The following KCTD2 variants were observed in gnomAD, a reference collection of about 807,000 sequenced individuals.
The protein encoded by KCTD2 is BTB/POZ domain-containing protein KCTD2.
In KCTD2, 18 loss-of-function variants were observed where a neutral mutation model predicts 27.9. The ratio of observed to expected loss-of-function variants is 0.64; its 90% confidence interval spans 0.45 to 0.96. KCTD2 has a LOEUF of 0.96. Among genes scored for constraint, KCTD2 ranks in the 40% least tolerant of loss-of-function variants. The probability of loss-of-function intolerance (pLI) is 0.00; values close to 1 mark genes in which losing one functional copy is unlikely to be tolerated. For synonymous variants in KCTD2, 175 were observed against 148.4 expected, an observed-to-expected ratio of 1.18 and a Z score of -1.30; for missense variants, 280 against 348.0, an observed-to-expected ratio of 0.80 and a Z score of 1.56.
At chr17:75,053,368 G>A (rs1408531175) in intron 3 of KCTD2, among the ~76,000 whole-genome samples, 1 of 152,094 alleles carries the variant, frequency 6.6e-6, no homozygotes, top group East Asian at 1.9e-4. Context: ...GGCACTTTAG[G>A]TCTAAAACCT....
At chr17:75,037,361 A>AG (rs887234923) in intron 3 of KCTD2, among the ~76,000 whole-genome samples, 19 of 151,528 alleles carry the variant, frequency 1.3e-4, no homozygotes, top group African/African-American at 4.4e-4. Flanking sequence ...AAAAAAAAAA[A>AG]AAAGAAATGG....
At chr17:75,037,676 A>T (rs960462055) in intron 3 of KCTD2, among the ~76,000 whole-genome samples, 2 of 152,224 alleles carry the variant, frequency 1.3e-5, no homozygotes, top group Admixed American at 1.3e-4. Flanking sequence ...CTTGCTTTAA[A>T]CCATCTCTAT....
rs2073433693 is a variant in KCTD2 at position 75,064,184 on chromosome 17, G to C, written c.*1137G>C. 1 of 152,552 alleles carries C rather than the reference G, an allele frequency of 6.6e-6. No individual in the cohort carries two copies. The highest frequency in any genetic ancestry group is 1.9e-4 in the East Asian group (1 of 5,202). 9.4% of individuals were successfully genotyped at this position (152,552 alleles called of 1,614,324 possible). A position where few individuals can be genotyped will look rare whatever the true frequency, so the allele number is the denominator to read the frequency against. On this transcript the variant is annotated 3_prime_UTR_variant, in exon 6 of 6. Transcript: ENST00000322444. ...GACCCCCGCCATTACTTTCTTTTCT[G>C]GAGTGCCATGCTGGCGAGGATCCGG...
chr17:75,039,277 A>C, intron 3 of KCTD2: 1 of 1,613,964 alleles, frequency 6.2e-7, no homozygotes, highest in Middle Eastern at 1.7e-4. Flanking sequence ...TTCACCTTTA[A>C]GAAGAAAGAG....
Position 75,059,600 on chromosome 17 carries a change from G to T in KCTD2, c.631G>T (p.Glu211Ter). 6.2e-7 allele frequency: 1 copy of T among 1,613,152 alleles called. No homozygotes were observed. The highest frequency in any genetic ancestry group is 8.5e-7 in the Non-Finnish European group (1 of 1,179,198). The stretch of plus-strand genomic sequence containing the variant: ...CACGATGTCCGACGGCTGGAAATTC[G>T]AACAGGTACATCTCTTAACAGAGCA... ...VSTMSDGWKF[E>*]QLISIGSSYN... The change falls in exon 4 of 6, where the codon GAA becomes TAA. Residue 211 changes from glutamate to a stop codon, truncating the protein, a stop_gained. Transcript: ENST00000322444. LOFTEE classifies it high-confidence loss of function.
At chr17:75,049,748 A>G (rs2073265623) in intron 2 of KCTD2, among the ~76,000 whole-genome samples, 1 of 152,216 alleles carries the variant, frequency 6.6e-6, no homozygotes, top group African/African-American at 2.4e-5. Flanking sequence ...GCTTGGCCTC[A>G]TTTCTTTTAA....
chr17:75,036,986 A>C (rs983826701), intron 3 of KCTD2, among the ~76,000 whole-genome samples: 1 of 152,116 alleles, frequency 6.6e-6, no homozygotes, highest in Non-Finnish European at 1.5e-5. Flanking sequence ...TCCTCTGCTT[A>C]TGTTAAGACT....
At chr17:75,056,952 C>CTTTTTTTTTTT (rs35875644) in intron 3 of KCTD2, among the ~76,000 whole-genome samples, 11 of 107,994 alleles carry the variant, frequency 1.0e-4, no homozygotes, top group African/African-American at 1.4e-4. Context: ...TTTCTTTTTT[C>CTTTTTTTTTTT]TTTTTTTTTT....
At chr17:75,040,187 C>A (rs759517568) in intron 3 of KCTD2, 62 of 1,612,068 alleles carry the variant, frequency 3.8e-5, no homozygotes, top group Non-Finnish European at 4.9e-5. Context: ...GGCACGGGAA[C>A]CTTCAGCGCA....
At position 75,047,603 on chromosome 17, in the gene KCTD2, TCGGGCGCGCCCC is replaced by T. The variant is rs761264837; in HGVS notation, c.339+20_339+31del. ...GACTCAGACAAGGTGTGCCCCGCCC[TCGGGCGCGCCCC>T]CGGGCCTTCGAACCCCCTGGTTTCT... On this transcript the variant is annotated intron_variant, in intron 1 of 5. Transcript: ENST00000322444. 4 of 1,602,548 alleles carry T rather than the reference TCGGGCGCGCCCC, an allele frequency of 2.5e-6. No individual in the cohort carries two copies. Among genetic ancestry groups the T allele is most frequent in the East Asian group, 2.3e-5 (1 of 44,076 alleles).
intron 3 of KCTD2, among the ~76,000 whole-genome samples, chr17:75,038,278 G>A (rs2073122731): frequency 6.6e-6 from 1 of 151,816 alleles, no homozygotes; most frequent in Non-Finnish European, 1.5e-5. Context: ...GGGATTACAG[G>A]CGCCCCCCGC....
chr17:75,058,528 G>A (rs975581057), intron 3 of KCTD2, among the ~76,000 whole-genome samples: 39 of 149,056 alleles, frequency 2.6e-4, no homozygotes, highest in East Asian at 8.2e-4. Flanking sequence ...GGCTGGGTGC[G>A]GTGGCTCATG....
At chr17:75,039,266 T>A in intron 3 of KCTD2, 4 of 1,614,108 alleles carry the variant, frequency 2.5e-6, no homozygotes, top group Non-Finnish European at 2.5e-6. Flanking sequence ...CAGCACAAGA[T>A]TTCACCTTTA....
intron 3 of KCTD2, among the ~76,000 whole-genome samples, chr17:75,055,387 T>G (rs1196687989): frequency 2.0e-5 from 3 of 151,820 alleles, no homozygotes; most frequent in Admixed American, 6.6e-5. Flanking sequence ...AAATAATGCC[T>G]TGGTCTTTCT....
At chr17:75,043,937 AT>A (rs1442015504), upstream of KCTD2, among the ~76,000 whole-genome samples, 1 of 152,024 alleles carries the variant, frequency 6.6e-6, no homozygotes, top group African/African-American at 2.4e-5. Context: ...TAAAAGGGCT[AT>A]CCCCTTCCAA....
chr17:75,052,957 G>T, intron 2 of KCTD2, 57 bp from the exon 3 acceptor site: 1 of 1,209,760 alleles, frequency 8.3e-7, no homozygotes, highest in Non-Finnish European at 1.2e-6. Context: ...TCCTCTCCTT[G>T]GTGTTTTTCT....
chr17:75,054,744 T>A lies in KCTD2; in HGVS notation c.540+1639T>A, dbSNP rs375395740. On this transcript the variant is annotated intron_variant, in intron 3 of 5. Coordinates refer to ENST00000322444, the MANE Select transcript of KCTD2 (RefSeq NM_015353.3). ...ATGGTGTGAACCCAGGAGGCGGAGC[T>A]TGTAGTGAGCCAAGATCGCACCACT... is the stretch of plus-strand genomic sequence containing the variant. 2.6e-5 allele frequency among the ~76,000 whole-genome samples: 4 copies of A among 151,908 alleles called. No homozygotes were observed. The East Asian group carries it at 7.8e-4, about 29-fold the overall frequency.
chr17:75,049,177 C>T (rs201853629), intron 1 of KCTD2, 43 bp from the exon 2 acceptor site: 2 of 1,175,324 alleles, frequency 1.7e-6, no homozygotes, highest in Non-Finnish European at 2.5e-6. Context: ...GTTTAAAATA[C>T]TCCTCAAAGG....
At chr17:75,062,992 G>A (rs1259453063) in intron 5 of KCTD2, 26 bp from the exon 6 acceptor site, 12 of 1,613,612 alleles carry the variant, frequency 7.4e-6, no homozygotes, top group Non-Finnish European at 1.0e-5. Context: ...AGCAGCCTCA[G>A]CCTCTCCCCC....
Sources: allele counts gnomAD v4.1 joint callset (sites outside exome capture counted in the v4.1 genomes callset), GRCh38; gene constraint gnomAD v4.1.1; transcripts MANE v1.5; gene names NCBI Gene and HGNC (gene_info 2026-07-23, HGNC 2026-07-21).